Variants in DSE observed in about 807,000 individuals in gnomAD.
DSE encodes the protein dermatan sulfate epimerase, also known as dermatan-sulfate epimerase.
DSE carries 36 observed loss-of-function variants against 84.4 expected under a neutral mutation model. The ratio of observed to expected loss-of-function variants is 0.43; its 90% CI spans 0.33 to 0.56. The LOEUF (loss-of-function observed/expected upper bound fraction) is 0.56. Ranked by LOEUF, DSE falls within the 20% of genes least tolerant of loss-of-function variation. DSE has a pLI of 0.06. For synonymous variants in DSE, 410 were observed against 430.1 expected, an observed-to-expected ratio of 0.95 and a Z score of 0.58; for missense variants, 862 against 1,169.6, an observed-to-expected ratio of 0.74 and a Z score of 3.84.
intron 1 of DSE, among the ~76,000 whole-genome samples, chr6:116,385,480 G>C (rs1408886840): frequency 6.6e-6 from 1 of 151,524 alleles, no homozygotes; most frequent in African/African-American, 2.4e-5. Context: ...AGAGCCAACA[G>C]AATATGCTGA....
chr6:116,387,591 A>G (rs1471927464), intron 1 of DSE, among the ~76,000 whole-genome samples: 3 of 152,192 alleles, frequency 2.0e-5, no homozygotes, highest in Non-Finnish European at 4.4e-5. Context: ...AGTGAGGCAT[A>G]ATGGCTAAAA....
At position 116,442,380 on chromosome 6, in the gene DSE, T is replaced by C. The variant is rs1784456520; in HGVS notation, c.*5035T>C. On this transcript the variant is annotated 3_prime_UTR_variant, in exon 6 of 6. Coordinates refer to ENST00000644252, the MANE Select transcript of DSE (RefSeq NM_013352.4). ...TAGGAAGCGGGTCCAGGAGGTTGTT[T>C]TAGCCATGTTAAGTTTAAGATACTT... is the stretch of plus-strand genomic sequence containing the variant. The C allele has an allele frequency of 1.3e-5, 2 of 152,120 alleles. No individual in the cohort carries two copies. The highest frequency in any genetic ancestry group is 2.9e-5 in the Non-Finnish European group (2 of 68,040). 9.4% of individuals were successfully genotyped at this position (152,120 alleles called of 1,614,324 possible). A position where few individuals can be genotyped will look rare whatever the true frequency, so the allele number is the denominator to read the frequency against.
intron 4 of DSE, chr6:116,432,435 A>G (rs1221428003): frequency 1.3e-5 from 2 of 152,238 alleles, no homozygotes; most frequent in African/African-American, 4.8e-5. Flanking sequence ...CCTGCTTTCA[A>G]GGAATTCACA....
At chr6:116,413,009 A>G (rs1338689260) in intron 2 of DSE, among the ~76,000 whole-genome samples, 4 of 152,086 alleles carry the variant, frequency 2.6e-5, no homozygotes, top group African/African-American at 9.7e-5. Flanking sequence ...CTCTAGCTCC[A>G]TGTTGCTGCG....
chr6:116,412,166 G>T (rs931125373), intron 2 of DSE, among the ~76,000 whole-genome samples: 8 of 152,050 alleles, frequency 5.3e-5, no homozygotes, highest in African/African-American at 1.9e-4. Context: ...TGGGTTCAGG[G>T]TGTTGTCACA....
intron 2 of DSE, among the ~76,000 whole-genome samples, chr6:116,346,200 G>A (rs143789808): frequency 0.043 from 6,573 of 152,250 alleles, 239 homozygotes; most frequent in African/African-American, 0.093. Flanking sequence ...ACAAGGAGGA[G>A]CTGGTACCAT....
chr6:116,321,979 G>A (rs1776351935), intron 2 of DSE, among the ~76,000 whole-genome samples: 1 of 152,146 alleles, frequency 6.6e-6, no homozygotes, highest in Non-Finnish European at 1.5e-5. Flanking sequence ...AGTTAAAGAA[G>A]GAAGGGGTTT....
At chr6:116,255,755 C>T (rs1772115553) in intron 1 of DSE, 1 of 152,174 alleles carries the variant, frequency 6.6e-6, no homozygotes, top group Non-Finnish European at 1.5e-5. Flanking sequence ...TCCATTATAA[C>T]CTGAGTCAAG....
chr6:116,279,505 G>C (rs1773360807), intron 2 of DSE: 3 of 1,610,210 alleles, frequency 1.9e-6, no homozygotes, highest in Non-Finnish European at 2.5e-6. Context: ...AGAAGCGGCT[G>C]CCAGGCCTTC....
At chr6:116,419,444 G>T (rs1016321842) in intron 2 of DSE, among the ~76,000 whole-genome samples, 2 of 152,334 alleles carry the variant, frequency 1.3e-5, no homozygotes, top group African/African-American at 4.8e-5. Context: ...AAGGTGTTTG[G>T]TTGAAAGTTA....
At chr6:116,359,279 GC>G (rs1431298756) in intron 2 of DSE, among the ~76,000 whole-genome samples, 1 of 152,096 alleles carries the variant, frequency 6.6e-6, no homozygotes, top group East Asian at 1.9e-4. Flanking sequence ...ATGATTTCAT[GC>G]TAGACTAAAT....
In DSE at chr6:116,381,758, T is replaced by G. The variant is rs186363616; in HGVS notation, c.-54+10637T>G. 7.9e-5 allele frequency among the ~76,000 whole-genome samples: 12 copies of G among 152,142 alleles called. No individual in the cohort carries two copies. In the East Asian group the frequency reaches 2.3e-3, roughly 29 times the overall value. On this transcript the variant is annotated intron_variant, in intron 1 of 5. Coordinates refer to ENST00000644252, the MANE Select transcript of DSE (RefSeq NM_013352.4). ...TACTGTAAGAATTACAATGTTTACT[T>G]TAGAAATGAGAAAATTCTAGAGCTA...
rs1246874285 is a variant in DSE at position 116,332,763 on chromosome 6, C to G, written c.-53-66435C>G. 3.3e-5 allele frequency among the ~76,000 whole-genome samples: 5 copies of G among 152,178 alleles called. No individual in the cohort carries two copies. In the East Asian group the frequency reaches 9.7e-4, roughly 29 times the overall value. Reference sequence around the variant, plus strand: ...CACCTTTAATTGGTAAAAAGTCAAGCTACATGGTAAAATATATTACATATG... The same window carrying G: ...CACCTTTAATTGGTAAAAAGTCAAGGTACATGGTAAAATATATTACATATG... On this transcript the variant is annotated intron_variant, in intron 2 of 3. Transcript: ENST00000430252.
chr6:116,416,355 G>A (rs1205733822), intron 2 of DSE, among the ~76,000 whole-genome samples: 2 of 128,646 alleles, frequency 1.6e-5, no homozygotes, highest in Non-Finnish European at 3.2e-5. Context: ...GCCACTGTGT[G>A]TGTGTGTGTG....
intron 2 of DSE, among the ~76,000 whole-genome samples, chr6:116,330,050 C>T (rs1433633923): frequency 6.6e-6 from 1 of 152,122 alleles, no homozygotes; most frequent in African/African-American, 2.4e-5. Flanking sequence ...GCCTTGAACT[C>T]CCAACCTCAG....
At chr6:116,262,023 T>C (rs766739724) in intron 2 of DSE, among the ~76,000 whole-genome samples, 24 of 152,184 alleles carry the variant, frequency 1.6e-4, no homozygotes, top group Non-Finnish European at 2.8e-4. Context: ...ACTTTTGCAT[T>C]GATGTTCAGC....
At chr6:116,300,602 C>G (rs1035445421) in intron 2 of DSE, among the ~76,000 whole-genome samples, 1 of 152,232 alleles carries the variant, frequency 6.6e-6, no homozygotes, top group African/African-American at 2.4e-5. Context: ...TTCCTGACTT[C>G]TGCCTCAGGC....
intron 2 of DSE, chr6:116,279,964 A>T (rs1773414974): frequency 7.8e-7 from 1 of 1,282,398 alleles, no homozygotes; most frequent in Non-Finnish European, 1.1e-6. Flanking sequence ...AGGACTGGAG[A>T]TCTCACGGTA....
chr6:116,298,516 G>A (rs73767729), intron 2 of DSE, among the ~76,000 whole-genome samples: 6,081 of 152,276 alleles, frequency 0.04, 187 homozygotes, highest in African/African-American at 0.08. Flanking sequence ...GCATCTAGAA[G>A]CTAGAAAGGT....
Sources: allele counts gnomAD v4.1 joint callset (sites outside exome capture counted in the v4.1 genomes callset), GRCh38; gene constraint gnomAD v4.1.1; transcripts MANE v1.5; gene names NCBI Gene and HGNC (gene_info 2026-07-23, HGNC 2026-07-21).